Variants in PPP2R2B observed in about 807,000 individuals in gnomAD.
PPP2R2B encodes protein phosphatase 2 regulatory subunit Bbeta, also known as serine/threonine-protein phosphatase 2A 55 kDa regulatory subunit B beta isoform.
A neutral mutation model predicts 46.0 loss-of-function variants in PPP2R2B; 5 were observed. That is an observed-to-expected ratio of 0.11 (90% CI 0.06 to 0.23). PPP2R2B has a LOEUF of 0.23. PPP2R2B is among the 10% of genes least tolerant of loss of function. The pLI, the probability that PPP2R2B is intolerant of heterozygous loss-of-function variation, is 1.00. For missense variants in PPP2R2B, 367 were observed against 575.0 expected (o/e 0.64, Z 3.70); for synonymous variants, 215 against 206.7 (o/e 1.04, Z -0.34).
intron 2 of PPP2R2B, among the ~76,000 whole-genome samples, chr5:146,817,064 C>T (rs1184456134): frequency 5.3e-5 from 8 of 152,166 alleles, no homozygotes; most frequent in African/African-American, 1.7e-4. Context: ...CTACTCCCCT[C>T]CCTGTATGCA....
intron 1 of PPP2R2B, among the ~76,000 whole-genome samples, chr5:147,019,134 T>G (rs1431737791): frequency 1.3e-5 from 2 of 152,180 alleles, no homozygotes; most frequent in Middle Eastern, 6.3e-3. Context: ...GAAATGTAGA[T>G]CTTCTGGTAC....
chr5:146,839,662 A>G (rs1052796625), intron 2 of PPP2R2B, among the ~76,000 whole-genome samples: 1 of 152,232 alleles, frequency 6.6e-6, no homozygotes. Context: ...GGACTTGCTA[A>G]ATCTGCTGAC....
At chr5:146,833,665 G>C (rs1195402308) in intron 2 of PPP2R2B, among the ~76,000 whole-genome samples, 1 of 152,084 alleles carries the variant, frequency 6.6e-6, no homozygotes, top group Non-Finnish European at 1.5e-5. Context: ...TGGTGAATGG[G>C]TATTAATGAG....
intron 8 of PPP2R2B, among the ~76,000 whole-genome samples, chr5:146,593,952 T>A (rs1383037845): frequency 6.6e-6 from 1 of 152,192 alleles, no homozygotes; most frequent in Non-Finnish European, 1.5e-5. Flanking sequence ...GACCAGGGCA[T>A]GAGCAGTGAT....
intron 2 of PPP2R2B, among the ~76,000 whole-genome samples, chr5:146,824,738 CTTTT>C (rs201658038): frequency 1.4e-5 from 2 of 142,890 alleles, no homozygotes; most frequent in East Asian, 4.1e-4. Context: ...AGAATCAATA[CTTTT>C]TTTTTTTTTT....
At chr5:146,715,771 C>T (rs907016713) in intron 2 of PPP2R2B, among the ~76,000 whole-genome samples, 1 of 152,062 alleles carries the variant, frequency 6.6e-6, no homozygotes, top group African/African-American at 2.4e-5. Context: ...TTTCCCTCCA[C>T]CTTCTATTAT....
chr5:146,754,921 T>A (rs553911274), intron 2 of PPP2R2B, among the ~76,000 whole-genome samples: 195 of 152,306 alleles, frequency 1.3e-3, no homozygotes, highest in Non-Finnish European at 2.1e-3. Context: ...TCAGGAGAGA[T>A]CATGAACTAG....
chr5:146,744,252 T>C (rs1753045155), intron 2 of PPP2R2B, among the ~76,000 whole-genome samples: 1 of 152,112 alleles, frequency 6.6e-6, no homozygotes, highest in African/African-American at 2.4e-5. Flanking sequence ...TTGTGAATGC[T>C]CTTAACATGG....
At chr5:147,075,209 CAT>C (rs1301937298) in intron 2 of PPP2R2B, among the ~76,000 whole-genome samples, 1 of 152,112 alleles carries the variant, frequency 6.6e-6, no homozygotes, top group East Asian at 1.9e-4. Context: ...GCAATGAAAT[CAT>C]ATGTTATATG....
At chr5:146,622,036 G>A (rs1773739818) in intron 7 of PPP2R2B, among the ~76,000 whole-genome samples, 1 of 152,154 alleles carries the variant, frequency 6.6e-6, no homozygotes, top group Non-Finnish European at 1.5e-5. Context: ...AAATACTTGT[G>A]TTCCTCTGTG....
At chr5:146,893,470 C>T (rs962217431) in intron 1 of PPP2R2B, among the ~76,000 whole-genome samples, 15 of 152,074 alleles carry the variant, frequency 9.9e-5, no homozygotes, top group African/African-American at 3.4e-4. Flanking sequence ...CTTCCTCTAC[C>T]CTACATCCAG....
In PPP2R2B at chr5:147,005,301, A is replaced by G. The variant is rs59371017; in HGVS notation, c.79+50364T>C. Among the ~76,000 whole-genome samples the G allele has an allele frequency of 0.011, 1,696 of 152,318 alleles. 101 individuals carry two copies. In the East Asian group the frequency reaches 0.19, roughly 17 times the overall value. On this transcript the variant is annotated intron_variant, in intron 1 of 8. Transcript: ENST00000336640. ...AGGGCAGGTTATGCCATAGTTAGTG[A>G]TGTAAACATACTTGAAAGTAAACCT...
chr5:146,709,708 G>A (rs1317381290), intron 2 of PPP2R2B, among the ~76,000 whole-genome samples: 4 of 152,172 alleles, frequency 2.6e-5, no homozygotes, highest in African/African-American at 9.7e-5. Context: ...TAAGCCTATG[G>A]ACTTTAAAAG....
chr5:146,754,692 T>C (rs1370748904), intron 2 of PPP2R2B, among the ~76,000 whole-genome samples: 1 of 152,178 alleles, frequency 6.6e-6, no homozygotes, highest in African/African-American at 2.4e-5. Context: ...ATTCTTTTAC[T>C]CTCCCATCAC....
At chr5:146,687,229 A>G (rs1561833012) in intron 5 of PPP2R2B, among the ~76,000 whole-genome samples, 1 of 152,180 alleles carries the variant, frequency 6.6e-6, no homozygotes, top group East Asian at 1.9e-4. Context: ...CTAACTCTTG[A>G]TTTTTAGTCC....
chr5:146,770,193 G>A (rs1375160872), intron 2 of PPP2R2B, among the ~76,000 whole-genome samples: 1 of 151,822 alleles, frequency 6.6e-6, no homozygotes, highest in Non-Finnish European at 1.5e-5. Context: ...GCCAGACTTG[G>A]TAGTGCACAC....
intron 2 of PPP2R2B, among the ~76,000 whole-genome samples, chr5:146,807,069 G>T (rs944417780): frequency 6.6e-6 from 1 of 152,094 alleles, no homozygotes; most frequent in African/African-American, 2.4e-5. Flanking sequence ...GAGACCTGGG[G>T]GCCTGGCAGA....
At chr5:147,020,690 A>C (rs1438147936) in intron 1 of PPP2R2B, among the ~76,000 whole-genome samples, 1 of 152,180 alleles carries the variant, frequency 6.6e-6, no homozygotes. Context: ...TCAATACTGC[A>C]AGGATCTCAG....
At chr5:146,814,945 C>A (rs1189941149) in intron 2 of PPP2R2B, among the ~76,000 whole-genome samples, 1 of 152,192 alleles carries the variant, frequency 6.6e-6, no homozygotes, top group Non-Finnish European at 1.5e-5. Context: ...CAGTTGAATT[C>A]TTTCTTCTGA....
Sources: gnomAD v4.1 joint callset for allele counts (sites outside exome capture counted in the v4.1 genomes callset) on GRCh38, gnomAD v4.1.1 for gene constraint, MANE v1.5 for transcripts, NCBI Gene and HGNC (gene_info 2026-07-23, HGNC 2026-07-21) for gene names.